The following SGCA variants were observed in gnomAD, a reference collection of about 807,000 sequenced individuals.
SGCA encodes sarcoglycan alpha.
In SGCA, 34 loss-of-function variants were observed where a neutral mutation model predicts 38.1. The observed-to-expected ratio is 0.89, with a 90% CI of 0.68 to 1.19. The LOEUF (loss-of-function observed/expected upper bound fraction) is 1.19, where lower values mean the gene tolerates loss of function less well. SGCA is among the 50% of genes most tolerant of loss of function. The pLI is 0.00. For synonymous variants in SGCA, 209 were observed against 214.6 expected, an observed-to-expected ratio of 0.97 and a Z score of 0.23; for missense variants, 476 against 524.9, an observed-to-expected ratio of 0.91 and a Z score of 0.91.
intron 5 of SGCA, 92 bp downstream of exon 5, chr17:50,168,664 CT>C: frequency 8.8e-7 from 1 of 1,132,218 alleles, no homozygotes; most frequent in Non-Finnish European, 1.3e-6. Context: ...CCAGGTGGGG[CT>C]TTACCACGCA....
At position 50,166,032 on chromosome 17, in the gene SGCA, C is replaced by T. The variant is rs774714920; in HGVS notation, c.-9C>T. ...CTGTCACTCACCGGGCGGGCCAGGC[C>T]GGGCAGCCATGGCTGAGACACTCTT... On this transcript the variant is annotated 5_prime_UTR_variant, in exon 1 of 10. Transcript: ENST00000262018. 2.9e-5 allele frequency: 46 copies of T among 1,612,856 alleles called. No homozygotes were observed. The Middle Eastern group carries it at 5.0e-4, about 18-fold the overall frequency.
In SGCA at chr17:50,167,931, C is replaced by T. The variant is rs1374814742; in HGVS notation, c.313-16C>T. ...CTCCCCTAACCCACTTCTCAGATGTCTTTCCCATCCCCCAGGTCACAGCCT... is the reference window on the plus strand; with the variant it reads ...CTCCCCTAACCCACTTCTCAGATGTTTTTCCCATCCCCCAGGTCACAGCCT... On this transcript the variant is annotated splice_polypyrimidine_tract_variant and intron_variant, in intron 3 of 9. Transcript: ENST00000262018. The surrounding 1 kb of genome is among the most constrained non-coding windows in gnomAD (Gnocchi z 4.5). 1.2e-5 allele frequency: 19 copies of T among 1,613,570 alleles called. No individual in the cohort carries two copies. Among genetic ancestry groups the T allele is most frequent in the African/African-American group, 4.0e-5 (3 of 74,906 alleles).
intron 8 of SGCA, chr17:50,172,436 CGTGCACATATGCATGTGTGT>C (rs1905528190): frequency 2.6e-6 from 1 of 380,242 alleles, no homozygotes; most frequent in African/African-American, 2.1e-5. Flanking sequence ...CTGCACGGTG[CGTGCACATATGCATGTGTGT>C]GTGCACATGC....
Position 50,170,310 on chromosome 17 carries a change from C to T in SGCA, c.915C>T (p.Thr305=), listed in dbSNP as rs1382895205. The T allele has an allele frequency of 6.2e-7, 1 of 1,614,076 alleles. No individual in the cohort carries two copies. Among genetic ancestry groups the T allele is most frequent in the East Asian group, 2.2e-5 (1 of 44,900 alleles). ...CCCTGCTGGTGGCCCTGCTTCTCAC[C>T]TTGCTGCTGGCCTATGTCATGTGCT... The part of the protein sequence containing the change: ...LVPLLVALLL[T]LLLAYVMCCR... The change falls in exon 7 of 10, where the codon ACC becomes ACT. Residue 305 remains threonine, a synonymous_variant. Transcript: ENST00000262018.
chr17:50,166,389 C>A (rs1332584008), intron 1 of SGCA, among the ~76,000 whole-genome samples: 1 of 152,100 alleles, frequency 6.6e-6, no homozygotes, highest in Non-Finnish European at 1.5e-5. Context: ...CTTCTAAGCC[C>A]AGGCTAAATT....
At chr17:50,170,056 C>A in intron 6 of SGCA, 87 bp from the exon 7 acceptor site, 1 of 1,118,686 alleles carries the variant, frequency 8.9e-7, no homozygotes, top group Non-Finnish European at 1.3e-6. Context: ...GTGTCTCCTG[C>A]CTCCTAGTCC....
chr17:50,170,475 G>T, intron 7 of SGCA, 124 bp downstream of exon 7: 1 of 1,358,930 alleles, frequency 7.4e-7, no homozygotes, highest in Admixed American at 1.8e-5. Context: ...CACAAAAGGA[G>T]TGTGGGGCCC....
intron 8 of SGCA, among the ~76,000 whole-genome samples, chr17:50,173,817 G>C (rs1905684246): frequency 6.6e-6 from 1 of 152,168 alleles, no homozygotes; most frequent in Non-Finnish European, 1.5e-5. Flanking sequence ...ACCTCTTCCT[G>C]CTGGCCTCCC....
chr17:50,170,523 T>C (rs1339313367), intron 7 of SGCA, 117 bp from the exon 8 acceptor site: 14 of 1,361,366 alleles, frequency 1.0e-5, no homozygotes, highest in Non-Finnish European at 1.3e-5. Flanking sequence ...CTGCCTGGCC[T>C]GGCACCAGGA....
rs575518404 is a variant in SGCA at position 50,166,018 on chromosome 17, C to T, written c.-23C>T. 37 of 1,609,794 alleles carry T rather than the reference C, an allele frequency of 2.3e-5. No homozygotes were observed. In the African/African-American group the frequency reaches 3.5e-4, roughly 15 times the overall value. On this transcript the variant is annotated 5_prime_UTR_variant, in exon 1 of 10. Coordinates refer to ENST00000262018, the MANE Select transcript of SGCA (RefSeq NM_000023.4). ...CCTGCCCCCTGTCTCTGTCACTCAC[C>T]GGGCGGGCCAGGCCGGGCAGCCATG...
At chr17:50,172,260 G>T (rs28625650) in intron 8 of SGCA, 1 of 457,000 alleles carries the variant, frequency 2.2e-6, no homozygotes, top group Admixed American at 2.3e-5. Flanking sequence ...GGGTTGGTGA[G>T]GTTATCTCTG....
In SGCA at chr17:50,170,162, A is replaced by T; in HGVS notation, c.767A>T (p.Glu256Val). 6.2e-7 allele frequency: 1 copy of T among 1,614,082 alleles called. No individual in the cohort carries two copies. Among genetic ancestry groups the T allele is most frequent in the Non-Finnish European group, 8.5e-7 (1 of 1,179,994 alleles). Residue 256 changes from glutamate to valine, a missense_variant, in exon 7 of 10, where the codon GAG becomes GTG. Coordinates refer to ENST00000262018, the MANE Select transcript of SGCA (RefSeq NM_000023.4). Reference protein sequence around the residue: ...NVTLVDKSVPEPADEVPTPGD... With the variant: ...NVTLVDKSVPVPADEVPTPGD... ...GTGCAGGTGGATAAGTCAGTGCCGG[A>T]GCCTGCAGATGAGGTGCCCACCCCA... is the stretch of plus-strand genomic sequence containing the variant.
intron 6 of SGCA, chr17:50,169,502 T>TG (rs1314886582): frequency 1.5e-5 from 8 of 543,984 alleles, no homozygotes; most frequent in Non-Finnish European, 2.3e-5. Context: ...AATCCGCATG[T>TG]GGGGTCTCCA....
At chr17:50,170,108 C>G (rs773224488) in intron 6 of SGCA, 35 bp from the exon 7 acceptor site, 110 of 1,591,696 alleles carry the variant, frequency 6.9e-5, no homozygotes, top group Non-Finnish European at 9.2e-5. Flanking sequence ...GTCCAGCCAG[C>G]CACTTCCTGC....
chr17:50,174,177 C>T (rs1396480311), intron 8 of SGCA, among the ~76,000 whole-genome samples: 3 of 151,988 alleles, frequency 2.0e-5, no homozygotes, highest in South Asian at 2.1e-4. Flanking sequence ...TTAAATTAGC[C>T]GAGCATGGTG....
At chr17:50,175,230 C>T in intron 8 of SGCA, 27 bp from the exon 9 acceptor site, 1 of 1,580,252 alleles carries the variant, frequency 6.3e-7, no homozygotes, top group Non-Finnish European at 8.6e-7. Flanking sequence ...ACTCCCAGAG[C>T]TGATGACTCC....
rs543425025 is a variant in SGCA, at chr17:50,175,089, G to C, written c.984-168G>C. 105 of 721,448 alleles carry C rather than the reference G, an allele frequency of 1.5e-4. No homozygotes were observed. The South Asian group carries it at 1.5e-3, about 11-fold the overall frequency. The allele number at this position is 721,448 out of a possible 1,614,324, so 44.7% of individuals were successfully genotyped here. A position where few individuals can be genotyped will look rare whatever the true frequency, so the allele number is the denominator to read the frequency against. ...TGGGATTATAGGCATGAGCCACCAC[G>C]CCCGGCCCCATAGAGCTTTCTGTTT... On this transcript the variant is annotated intron_variant, in intron 8 of 9. Coordinates refer to ENST00000262018, the MANE Select transcript of SGCA (RefSeq NM_000023.4).
rs754840688 is a variant in SGCA, at chr17:50,167,420, A to G, written c.90A>G (p.Pro30=). 79 of 1,613,936 alleles carry G rather than the reference A, an allele frequency of 4.9e-5. No homozygotes were observed. Among genetic ancestry groups the G allele is most frequent in the South Asian group, 2.1e-4 (19 of 91,070 alleles). ...DTEAQQTTLH[P]LVGRVFVHTL... ...AGGCCCAGCAGACCACGCTACACCCACTTGTGGGCCGTGTCTTTGTGCACA... is the reference window on the plus strand; with the variant it reads ...AGGCCCAGCAGACCACGCTACACCCGCTTGTGGGCCGTGTCTTTGTGCACA... The change falls in exon 2 of 10, where the codon CCA becomes CCG. Residue 30 remains proline, a synonymous_variant. Coordinates refer to ENST00000262018, the MANE Select transcript of SGCA (RefSeq NM_000023.4). This position sits in a 1 kb window ranked among gnomAD's most constrained non-coding sequence, Gnocchi z 4.5.
rs1416696330 is a variant in SGCA at position 50,167,559 on chromosome 17, T to G, written c.158-23T>G. On this transcript the variant is annotated intron_variant, in intron 2 of 9. Coordinates refer to ENST00000262018, the MANE Select transcript of SGCA (RefSeq NM_000023.4). This position sits in a 1 kb window ranked among gnomAD's most constrained non-coding sequence, Gnocchi z 4.5. ...CGCAGGGCTCCTGCTGTGACTCGAA[T>G]CCCCTCTCCTCGCTTCCACCAGCTG... 1.9e-6 allele frequency: 3 copies of G among 1,613,590 alleles called. No individual in the cohort carries two copies. The highest frequency in any genetic ancestry group is 2.2e-5 in the South Asian group (2 of 91,082).
Sources: allele counts gnomAD v4.1 joint callset (sites outside exome capture counted in the v4.1 genomes callset), GRCh38; gene constraint gnomAD v4.1.1; non-coding constraint Gnocchi (gnomAD v3.1); transcripts MANE v1.5; gene names NCBI Gene and HGNC (gene_info 2026-07-23, HGNC 2026-07-21).